ZNF148: variants seen among roughly 807,000 people sequenced by gnomAD.
The protein encoded by ZNF148 is Beta-Enolase Repressor Factor-1.
A neutral mutation model predicts 67.7 loss-of-function variants in ZNF148; 7 were observed. The ratio of observed to expected loss-of-function variants is 0.10; its 90% CI spans 0.06 to 0.19. The LOEUF (loss-of-function observed/expected upper bound fraction) is 0.19, where lower values mean the gene tolerates loss of function less well. Among genes scored for constraint, ZNF148 ranks in the 10% least tolerant of loss-of-function variants. The pLI is 1.00. For missense variants in ZNF148, 583 were observed against 947.1 expected, an observed-to-expected ratio of 0.62 and a Z score of 5.05; for synonymous variants, 333 against 330.7, an observed-to-expected ratio of 1.01 and a Z score of -0.08.
chr3:125,329,773 TATG>T (rs1941203674), intron 2 of ZNF148, among the ~76,000 whole-genome samples: 1 of 152,020 alleles, frequency 6.6e-6, no homozygotes, highest in South Asian at 2.1e-4. Flanking sequence ...TTAGACAAAT[TATG>T]ATATGTCCAA....
At chr3:125,338,142 T>C (rs1184227801) in intron 1 of ZNF148, among the ~76,000 whole-genome samples, 1 of 151,938 alleles carries the variant, frequency 6.6e-6, no homozygotes, top group Non-Finnish European at 1.5e-5. Context: ...ATCCTCCACC[T>C]CCTAATAAAT....
chr3:125,272,800 A>T (rs78260341), intron 7 of ZNF148, among the ~76,000 whole-genome samples: 1 of 152,152 alleles, frequency 6.6e-6, no homozygotes, highest in Non-Finnish European at 1.5e-5. Context: ...ATAAAAAAAA[A>T]TTGGTTTCTA....
chr3:125,358,035 G>A (rs1258675560), intron 1 of ZNF148, among the ~76,000 whole-genome samples: 1 of 152,150 alleles, frequency 6.6e-6, no homozygotes, highest in Non-Finnish European at 1.5e-5. Flanking sequence ...AAATCGGACC[G>A]GCGCGGGGAC....
intron 5 of ZNF148, 124 bp downstream of exon 5, chr3:125,287,979 C>T: frequency 7.3e-7 from 1 of 1,364,318 alleles, no homozygotes; most frequent in South Asian, 1.4e-5. Context: ...GGCACGCACC[C>T]CCTCCTACTA....
At chr3:125,278,121 T>C (rs979544575) in intron 6 of ZNF148, among the ~76,000 whole-genome samples, 12 of 152,168 alleles carry the variant, frequency 7.9e-5, no homozygotes, top group Non-Finnish European at 1.6e-4. Flanking sequence ...ATACAGGTTC[T>C]CACGTGTCCT....
intron 4 of ZNF148, among the ~76,000 whole-genome samples, chr3:125,307,169 T>TA (rs1366126826): frequency 6.6e-6 from 1 of 152,212 alleles, no homozygotes; most frequent in Non-Finnish European, 1.5e-5. Flanking sequence ...AAGTGTGATT[T>TA]ATCCCAGGAA....
intron 3 of ZNF148, among the ~76,000 whole-genome samples, chr3:125,320,415 G>A (rs1940717334): frequency 6.6e-6 from 1 of 152,128 alleles, no homozygotes; most frequent in South Asian, 2.1e-4. Context: ...GAACATCCAT[G>A]TGTCACTTAT....
rs1935762506 is a variant in ZNF148 at position 125,229,407 on chromosome 3, G to C, written c.*2934C>G. On this transcript the variant is annotated 3_prime_UTR_variant, in exon 9 of 9. Transcript: ENST00000360647. ...GACCGATGGCTGGCACCCTCAGCCA[G>C]AGCTAAGAAGATGGATTCCTACCTT... 1 of 152,136 alleles carries C rather than the reference G, an allele frequency of 6.6e-6. No homozygotes were observed. The highest frequency in any genetic ancestry group is 6.6e-5 in the Admixed American group (1 of 15,260). The allele number at this position is 152,136 out of a possible 1,614,324, so 9.4% of individuals were successfully genotyped here. A position where few individuals can be genotyped will look rare whatever the true frequency, so the allele number is the denominator to read the frequency against.
At chr3:125,365,047 A>G (rs944789928) in intron 1 of ZNF148, among the ~76,000 whole-genome samples, 1 of 152,140 alleles carries the variant, frequency 6.6e-6, no homozygotes, top group Non-Finnish European at 1.5e-5. Context: ...CTTCGCACCA[A>G]TTTCTCCACA....
At chr3:125,271,244 CT>C (rs1937715523) in intron 7 of ZNF148, among the ~76,000 whole-genome samples, 1 of 152,130 alleles carries the variant, frequency 6.6e-6, no homozygotes, top group Admixed American at 6.5e-5. Context: ...CAAAATCAAG[CT>C]TTCTAGACTT....
intron 7 of ZNF148, 138 bp from the exon 8 acceptor site, chr3:125,234,467 T>C (rs966629129): frequency 1.6e-5 from 10 of 638,770 alleles, no homozygotes; most frequent in Non-Finnish European, 2.4e-5. Flanking sequence ...TTTTGCTTTA[T>C]AAAAATGAAA....
chr3:125,318,244 T>C (rs949081057), intron 3 of ZNF148, among the ~76,000 whole-genome samples: 1 of 152,112 alleles, frequency 6.6e-6, no homozygotes, highest in Non-Finnish European at 1.5e-5. Flanking sequence ...ACACATGCCA[T>C]ATCCCTCCTC....
chr3:125,338,523 G>A (rs1348509081), intron 1 of ZNF148, among the ~76,000 whole-genome samples: 1 of 151,912 alleles, frequency 6.6e-6, no homozygotes, highest in African/African-American at 2.4e-5. Flanking sequence ...AGCCAGGCAT[G>A]GTGGTACACG....
intron 7 of ZNF148, among the ~76,000 whole-genome samples, chr3:125,265,812 T>C (rs1937519421): frequency 6.6e-6 from 1 of 152,172 alleles, no homozygotes; most frequent in African/African-American, 2.4e-5. Flanking sequence ...CAGCAACAAA[T>C]AGGTTGTTCT....
intron 7 of ZNF148, among the ~76,000 whole-genome samples, chr3:125,267,207 T>C (rs903659129): frequency 6.6e-6 from 1 of 151,934 alleles, no homozygotes; most frequent in African/African-American, 2.4e-5. Flanking sequence ...CCCTAACTCA[T>C]TCTACGAAAC....
chr3:125,256,640 C>T (rs1937091192), intron 7 of ZNF148, among the ~76,000 whole-genome samples: 2 of 152,216 alleles, frequency 1.3e-5, no homozygotes, highest in Non-Finnish European at 2.9e-5. Context: ...CGTGCCACTA[C>T]ACTCCAGCCT....
intron 1 of ZNF148, among the ~76,000 whole-genome samples, chr3:125,346,866 C>T (rs941342072): frequency 6.6e-6 from 1 of 151,354 alleles, no homozygotes; most frequent in African/African-American, 2.4e-5. Context: ...GCTTAATTTA[C>T]AGTAAATTAA....
At chr3:125,268,646 G>C (rs1937594909) in intron 7 of ZNF148, among the ~76,000 whole-genome samples, 1 of 152,084 alleles carries the variant, frequency 6.6e-6, no homozygotes, top group African/African-American at 2.4e-5. Context: ...ATAAGCCTTG[G>C]CAAAGAATTT....
chr3:125,320,885 C>G (rs926928941), intron 3 of ZNF148, among the ~76,000 whole-genome samples: 4 of 152,086 alleles, frequency 2.6e-5, no homozygotes, highest in African/African-American at 9.7e-5. Context: ...TGTTTCTAAC[C>G]GTGAGAAATT....
Sources: allele counts gnomAD v4.1 joint callset (sites outside exome capture counted in the v4.1 genomes callset), GRCh38; gene constraint gnomAD v4.1.1; transcripts MANE v1.5; gene names NCBI Gene and HGNC (gene_info 2026-07-23, HGNC 2026-07-21).